The following SULF2 variants were observed in gnomAD, a reference collection of about 807,000 sequenced individuals.
The protein encoded by SULF2 is extracellular sulfatase Sulf-2.
In SULF2, 52 loss-of-function variants were observed where a neutral mutation model predicts 107.7. The observed-to-expected ratio is 0.48, with a 90% CI of 0.39 to 0.61. SULF2 has a LOEUF of 0.61. Ranked by LOEUF, SULF2 falls within the 20% of genes least tolerant of loss-of-function variation. The pLI is 0.00. For synonymous variants in SULF2, 460 were observed against 464.3 expected (o/e 0.99, Z 0.12); for missense variants, 993 against 1,177.3 (o/e 0.84, Z 2.29).
intron 10 of SULF2, among the ~76,000 whole-genome samples, chr20:47,672,756 G>A (rs2087519905): frequency 6.6e-6 from 1 of 152,118 alleles, no homozygotes. Context: ...TTTAAGACAA[G>A]ACCCAAGCTC....
In SULF2 at chr20:47,672,415, C is replaced by T. The variant is rs778240154; in HGVS notation, c.1381-22G>A. 55 of 1,553,546 alleles carry T rather than the reference C, an allele frequency of 3.5e-5. No individual in the cohort carries two copies. The African/African-American group carries it at 3.8e-4, about 11-fold the overall frequency. On this transcript the variant is annotated intron_variant, in intron 10 of 20. Transcript: ENST00000688720. Reference sequence around the variant, plus strand: ...ACTTCTGAAAGACATGCCAGGGCCTCGGCCAGCTGCTCATCTGCTCCCCTA... The same window carrying T: ...ACTTCTGAAAGACATGCCAGGGCCTTGGCCAGCTGCTCATCTGCTCCCCTA...
intron 2 of SULF2, among the ~76,000 whole-genome samples, chr20:47,737,755 G>GTT (rs11484375): frequency 0.11 from 7,039 of 61,602 alleles, 1,141 homozygotes; most frequent in African/African-American, 0.2. Context: ...TCTTTTCTTT[G>GTT]TTTTTTTTTT....
intron 3 of SULF2, among the ~76,000 whole-genome samples, chr20:47,734,467 T>C (rs1295919036): frequency 6.6e-6 from 1 of 152,256 alleles, no homozygotes; most frequent in African/African-American, 2.4e-5. Context: ...TTTTTCTTAG[T>C]CAACACTGAT....
chr20:47,712,613 A>G (rs545457780), intron 3 of SULF2, among the ~76,000 whole-genome samples: 4 of 152,342 alleles, frequency 2.6e-5, no homozygotes, highest in African/African-American at 9.6e-5. Context: ...AGTGGCCGAC[A>G]GGAGGGCTGG....
intron 11 of SULF2, among the ~76,000 whole-genome samples, chr20:47,669,632 G>C (rs2087396772): frequency 6.6e-6 from 1 of 152,146 alleles, no homozygotes; most frequent in African/African-American, 2.4e-5. Context: ...AGGAGATGGG[G>C]CTGGAGTCCC....
At chr20:47,668,322 C>T (rs570060139) in intron 11 of SULF2, among the ~76,000 whole-genome samples, 1 of 152,338 alleles carries the variant, frequency 6.6e-6, no homozygotes, top group South Asian at 2.1e-4. Flanking sequence ...TCCCTTATAC[C>T]TCTGCAGTCG....
chr20:47,732,907 T>C (rs2089647302), intron 3 of SULF2, among the ~76,000 whole-genome samples: 1 of 152,148 alleles, frequency 6.6e-6, no homozygotes, highest in African/African-American at 2.4e-5. Flanking sequence ...TCCAAGGGTA[T>C]TCATATCTGA....
chr20:47,663,990 G>C, intron 15 of SULF2, 140 bp downstream of exon 15: 2 of 871,846 alleles, frequency 2.3e-6, no homozygotes, highest in East Asian at 5.3e-5. Flanking sequence ...TGGGAAGTAA[G>C]GCCTCTTCGA....
intron 2 of SULF2, among the ~76,000 whole-genome samples, chr20:47,744,585 G>A (rs192790137): frequency 1.6e-3 from 250 of 152,232 alleles, no homozygotes; most frequent in African/African-American, 5.9e-3. Context: ...GCACACAGTG[G>A]GCTTTCTATA....
intron 3 of SULF2, among the ~76,000 whole-genome samples, chr20:47,732,312 G>A (rs1300327213): frequency 6.6e-6 from 1 of 152,214 alleles, no homozygotes; most frequent in African/African-American, 2.4e-5. Context: ...GGTTGAGGAG[G>A]CCAAGACACA....
rs1310955992 is a variant in SULF2, at chr20:47,664,175, T to C, written c.2012A>G (p.His671Arg). ...GCCTCTGTGCTTGAGGCGGCCTTTG[T>C]GCTGGGTGTGGTAGCTGTAACAGAC... is the stretch of plus-strand genomic sequence containing the variant. ...DCHKISYHTQ[H>R]KGRLKHRGSS... Residue 671 changes from histidine (H) to arginine (R), a missense_variant, in exon 15 of 21, where the codon CAC becomes CGC. Coordinates refer to ENST00000688720, the MANE Select transcript of SULF2 (RefSeq NM_001387048.1). The C allele has an allele frequency of 1.9e-6, 3 of 1,612,732 alleles. No individual in the cohort carries two copies. The highest frequency in any genetic ancestry group is 1.7e-5 in the Admixed American group (1 of 59,892).
chr20:47,754,219 C>A (rs1234970467), intron 2 of SULF2, among the ~76,000 whole-genome samples: 1 of 152,202 alleles, frequency 6.6e-6, no homozygotes, highest in South Asian at 2.1e-4. Flanking sequence ...TGAGGATGGA[C>A]GTCTGTTCTC....
chr20:47,726,880 T>C (rs2089458264), intron 3 of SULF2, among the ~76,000 whole-genome samples: 1 of 152,280 alleles, frequency 6.6e-6, no homozygotes, highest in East Asian at 1.9e-4. Context: ...TGCAGCTGTT[T>C]CAACGCCCAC....
At chr20:47,761,434 G>A (rs567398098) in intron 1 of SULF2, among the ~76,000 whole-genome samples, 1 of 152,268 alleles carries the variant, frequency 6.6e-6, no homozygotes, top group East Asian at 1.9e-4. Context: ...TCTTTAAATG[G>A]CCTCATTTTA....
chr20:47,726,742 A>G (rs2089453537), intron 3 of SULF2, among the ~76,000 whole-genome samples: 1 of 152,218 alleles, frequency 6.6e-6, no homozygotes, highest in South Asian at 2.1e-4. Flanking sequence ...TCAGGGAGTC[A>G]CAGCTAGCAC....
Position 47,678,507 on chromosome 20 carries a change from G to GGGGACCATGCTTCTCTCCCAT in SULF2, c.1193+168_1193+169insATGGGAGAGAAGCATGGTCCC. On this transcript the variant is annotated intron_variant, in intron 8 of 20. Coordinates refer to ENST00000688720, the MANE Select transcript of SULF2 (RefSeq NM_001387048.1). This position sits in a 1 kb window ranked among gnomAD's most constrained non-coding sequence, Gnocchi z 4.5. Reference sequence around the variant, plus strand: ...AGATGGGAAGACAGAATCTCGGAGAGGGGACCATGCTTCTCTCCCACAGCA... The same window carrying GGGGACCATGCTTCTCTCCCAT: ...AGATGGGAAGACAGAATCTCGGAGAGGGGACCATGCTTCTCTCCCATGGGACCATGCTTCTCTCCCACAGCA... 1 of 832,322 alleles carries GGGGACCATGCTTCTCTCCCAT rather than the reference G, an allele frequency of 1.2e-6. No individual in the cohort carries two copies. Among genetic ancestry groups the GGGGACCATGCTTCTCTCCCAT allele is most frequent in the Non-Finnish European group, 1.8e-6 (1 of 541,030 alleles). 51.6% of individuals were successfully genotyped at this position (832,322 alleles called of 1,614,324 possible). A position where few individuals can be genotyped will look rare whatever the true frequency, so the allele number is the denominator to read the frequency against.
intron 10 of SULF2, among the ~76,000 whole-genome samples, chr20:47,673,466 A>G (rs1345744681): frequency 6.6e-6 from 1 of 152,148 alleles, no homozygotes; most frequent in Non-Finnish European, 1.5e-5. Context: ...GCTGTAAGGA[A>G]AAGTGTGGAG....
intron 13 of SULF2, 79 bp from the exon 14 acceptor site, chr20:47,665,372 G>GCTGC: frequency 1.0e-6 from 1 of 953,052 alleles, no homozygotes; most frequent in Non-Finnish European, 1.7e-6. Context: ...CTGCCCCCAC[G>GCTGC]CTGCCGTGTC....
At chr20:47,733,041 G>T (rs193291826) in intron 3 of SULF2, among the ~76,000 whole-genome samples, 41 of 152,172 alleles carry the variant, frequency 2.7e-4, no homozygotes, top group Non-Finnish European at 4.6e-4. Context: ...GCAAACATGG[G>T]GCCATGCAAA....
Sources: allele counts gnomAD v4.1 joint callset (sites outside exome capture counted in the v4.1 genomes callset), GRCh38; gene constraint gnomAD v4.1.1; non-coding constraint Gnocchi (gnomAD v3.1); transcripts MANE v1.5; gene names NCBI Gene and HGNC (gene_info 2026-07-23, HGNC 2026-07-21).